MED13: variants seen among roughly 807,000 people sequenced by gnomAD.
MED13 encodes mediator complex subunit 13, also known as mediator of RNA polymerase II transcription subunit 13.
Under a neutral mutation model 225.2 loss-of-function variants are expected in MED13, and 23 were observed. The ratio of observed to expected loss-of-function variants is 0.10; its 90% CI spans 0.07 to 0.14. The LOEUF (loss-of-function observed/expected upper bound fraction) is 0.14. Among genes scored for constraint, MED13 ranks in the 10% least tolerant of loss-of-function variants. The pLI, the probability that MED13 is intolerant of heterozygous loss-of-function variation, is 1.00. For missense variants in MED13, 2,197 were observed against 2,594.5 expected (o/e 0.85, Z 3.33); for synonymous variants, 942 against 889.2 (o/e 1.06, Z -1.06).
At position 61,968,172 on chromosome 17, in the gene MED13, G is replaced by A. The variant is rs766168324; in HGVS notation, c.4054C>T (p.Leu1352Phe). 2 of 1,613,932 alleles carry A rather than the reference G, an allele frequency of 1.2e-6. No individual in the cohort carries two copies. The highest frequency in any genetic ancestry group is 2.7e-5 in the African/African-American group (2 of 74,930). ...AGCATAAGTCTCTCCCAATAAGGAA[G>A]AGCAAATGGAGAAAGCACCAGATAA... ...YDYLVLSPFALPYWERLMLEP... is the reference protein window; with the variant it reads ...YDYLVLSPFAFPYWERLMLEP... The change falls in exon 18 of 30, where the codon CTT (leucine) becomes TTT (phenylalanine). Residue 1352 changes from leucine (L) to phenylalanine (F), a missense_variant. By Grantham distance (22) the Leu-to-Phe change is conservative (BLOSUM62 0). Transcript: ENST00000397786.
In MED13 at chr17:61,955,697, G is replaced by A; in HGVS notation, c.5765C>T (p.Ser1922Phe). The A allele has an allele frequency of 6.2e-7, 1 of 1,600,026 alleles. No homozygotes were observed. Among genetic ancestry groups the A allele is most frequent in the Non-Finnish European group, 8.5e-7 (1 of 1,176,480 alleles). ...TAGCTAACCTGGCATAATAACAAAA[G>A]AGCCTTGCGGCTCCATTGCCACCAA... ...ACLVAMEPQGSFVIMPDSVST... is the reference protein window; with the variant it reads ...ACLVAMEPQGFFVIMPDSVST... Residue 1922 changes from serine to phenylalanine, a missense_variant, in exon 25 of 30, where the codon TCT becomes TTT. Physicochemically the swap from Ser to Phe is radical, Grantham distance 155 (BLOSUM62 -2). Coordinates refer to ENST00000397786, the MANE Select transcript of MED13 (RefSeq NM_005121.3).
intron 8 of MED13, among the ~76,000 whole-genome samples, chr17:62,016,526 T>TAATG (rs1171712055): frequency 6.6e-6 from 1 of 152,198 alleles, no homozygotes; most frequent in Non-Finnish European, 1.5e-5. Context: ...CACTATCCAA[T>TAATG]AATGGTAGCC....
chr17:62,004,808 G>A (rs1468883510), intron 9 of MED13: 1 of 152,140 alleles, frequency 6.6e-6, no homozygotes, highest in Non-Finnish European at 1.5e-5. Flanking sequence ...GTAATCTCAG[G>A]CCAAGAGCTG....
Position 62,050,471 on chromosome 17 carries a change from T to C in MED13, c.470+2066A>G, listed in dbSNP as rs191821359. Among the ~76,000 whole-genome samples, 129 of 149,452 alleles carry C rather than the reference T, an allele frequency of 8.6e-4. 1 individual carries two copies. Among genetic ancestry groups the C allele is most frequent in the African/African-American group, 3.1e-3 (124 of 40,544 alleles). On this transcript the variant is annotated intron_variant, in intron 3 of 29. Transcript: ENST00000397786. The stretch of plus-strand genomic sequence containing the variant: ...AGCTAACCTCTCAATAGAAAGTCAA[T>C]AGAATTTCAATGGTAGGCTGTTGTG...
chr17:61,985,717 T>C (rs1478045612), intron 12 of MED13, among the ~76,000 whole-genome samples: 1 of 152,106 alleles, frequency 6.6e-6, no homozygotes, highest in East Asian at 1.9e-4. Flanking sequence ...GGGGTTGTAA[T>C]TAACATTAGA....
In MED13 at chr17:61,961,155, T is replaced by C. The variant is rs540574786; in HGVS notation, c.5257-65A>G. On this transcript the variant is annotated intron_variant, in intron 22 of 29. Coordinates refer to ENST00000397786, the MANE Select transcript of MED13 (RefSeq NM_005121.3). Reference sequence around the variant, plus strand: ...TCTTAGAGAAATATTGCATTTAAAATGTAATTCTTATCTACCCAATTATAA... The same window carrying C: ...TCTTAGAGAAATATTGCATTTAAAACGTAATTCTTATCTACCCAATTATAA... The C allele has an allele frequency of 5.1e-5, 67 of 1,306,094 alleles. No individual in the cohort carries two copies. The East Asian group carries it at 1.6e-3, about 30-fold the overall frequency. The allele number at this position is 1,306,094 out of a possible 1,614,324, so 80.9% of individuals were successfully genotyped here.
chr17:62,033,671 TA>T, intron 5 of MED13, 115 bp downstream of exon 5: 2 of 959,612 alleles, frequency 2.1e-6, no homozygotes, highest in Non-Finnish European at 3.1e-6. Context: ...AATTAAGGAA[TA>T]AATCTTTGGT....
chr17:61,966,396 A>G, intron 19 of MED13, 66 bp downstream of exon 19: 1 of 1,265,424 alleles, frequency 7.9e-7, no homozygotes, highest in South Asian at 1.5e-5. Context: ...TATCTACAAA[A>G]ACAGCTGGTG....
chr17:61,995,388 A>G, intron 9 of MED13, 23 bp from the exon 10 acceptor site: 1 of 1,534,416 alleles, frequency 6.5e-7, no homozygotes, highest in Non-Finnish European at 8.8e-7. Flanking sequence ...ATTAAAAAAA[A>G]TTAATTATCC....
intron 2 of MED13, 114 bp from the exon 3 acceptor site, chr17:62,052,819 T>C (rs975746326): frequency 4.8e-6 from 3 of 628,334 alleles, no homozygotes; most frequent in African/African-American, 1.9e-5. Context: ...TACCCCAGAA[T>C]ATTAAGCTAC....
chr17:62,052,879 C>T (rs1345376837), intron 2 of MED13, among the ~76,000 whole-genome samples, 174 bp from the exon 3 acceptor site: 1 of 152,166 alleles, frequency 6.6e-6, no homozygotes, highest in Non-Finnish European at 1.5e-5. Flanking sequence ...AGTTACTCCA[C>T]AAGGAATAAA....
At chr17:62,029,439 G>T in intron 8 of MED13, 102 bp downstream of exon 8, 1 of 796,022 alleles carries the variant, frequency 1.3e-6, no homozygotes, top group Non-Finnish European at 2.0e-6. Flanking sequence ...AAAAAATCCT[G>T]ACATATGTTC....
At chr17:62,043,153 C>G (rs1278529105) in intron 3 of MED13, among the ~76,000 whole-genome samples, 1 of 38,294 alleles carries the variant, frequency 2.6e-5, no homozygotes, top group African/African-American at 1.2e-4. Flanking sequence ...AAGACCCTGT[C>G]TCCAAAAAAA....
chr17:61,984,643 A>G lies in MED13; in HGVS notation c.2691+8T>C, dbSNP rs1175437975. 17 of 1,588,780 alleles carry G rather than the reference A, an allele frequency of 1.1e-5. No individual in the cohort carries two copies. The highest frequency in any genetic ancestry group is 2.7e-5 in the African/African-American group (2 of 73,726). On this transcript the variant is annotated splice_region_variant and intron_variant, in intron 14 of 29. Coordinates refer to ENST00000397786, the MANE Select transcript of MED13 (RefSeq NM_005121.3). ...AGTGAATTATTTTTCTAGAAAAAACATACTTACTTTAATTTCAGAAGGTTT... is the reference window on the plus strand; with the variant it reads ...AGTGAATTATTTTTCTAGAAAAAACGTACTTACTTTAATTTCAGAAGGTTT...
intron 8 of MED13, among the ~76,000 whole-genome samples, chr17:62,012,740 T>C (rs1467179004): frequency 6.6e-6 from 1 of 152,164 alleles, no homozygotes; most frequent in Admixed American, 6.5e-5. Context: ...AGAAAGAGTA[T>C]TAAAAAGCAG....
intron 20 of MED13, among the ~76,000 whole-genome samples, chr17:61,963,547 C>G (rs923603726): frequency 1.3e-5 from 2 of 152,080 alleles, no homozygotes; most frequent in Non-Finnish European, 2.9e-5. Flanking sequence ...CTCAAGCAAC[C>G]CTCCTGCCTT....
At chr17:62,052,228 T>TA (rs952097272) in intron 3 of MED13, among the ~76,000 whole-genome samples, 7 of 151,816 alleles carry the variant, frequency 4.6e-5, no homozygotes, top group African/African-American at 1.2e-4. Context: ...CCACAAATAC[T>TA]AAAAAAAAGA....
chr17:61,957,808 T>C (rs1290979105), intron 23 of MED13, among the ~76,000 whole-genome samples: 1 of 152,194 alleles, frequency 6.6e-6, no homozygotes, highest in Admixed American at 6.5e-5. Context: ...TCTGCATACA[T>C]GTCCTTCACT....
At chr17:61,984,410 G>A (rs761418900) in intron 14 of MED13, 43 bp from the exon 15 acceptor site, 12 of 1,400,110 alleles carry the variant, frequency 8.6e-6, no homozygotes, top group Admixed American at 2.5e-5. Flanking sequence ...TTATCTTCTA[G>A]GAGGAAAAAA....
Sources: gnomAD v4.1 joint callset for allele counts (sites outside exome capture counted in the v4.1 genomes callset) on GRCh38, gnomAD v4.1.1 for gene constraint, MANE v1.5 for transcripts, NCBI Gene and HGNC (gene_info 2026-07-23, HGNC 2026-07-21) for gene names.